Variants in GABPA observed in about 807,000 individuals in gnomAD.
GABPA encodes GA-binding protein alpha chain.
GABPA carries 4 observed loss-of-function variants against 59.4 expected under a neutral mutation model. That is an observed-to-expected ratio of 0.07 (90% CI 0.03 to 0.15). The LOEUF is 0.15. Among genes scored for constraint, GABPA ranks in the 10% least tolerant of loss-of-function variants. The pLI, the probability that GABPA is intolerant of heterozygous loss-of-function variation, is 1.00. For missense variants in GABPA, 251 were observed against 543.8 expected (o/e 0.46, Z 5.36); for synonymous variants, 164 against 183.1 (o/e 0.90, Z 0.84).
intron 9 of GABPA, 57 bp from the exon 10 acceptor site, chr21:25,768,947 T>C: frequency 2.7e-6 from 3 of 1,093,458 alleles, no homozygotes; most frequent in Non-Finnish European, 4.0e-6. Flanking sequence ...GTCTGTAAAT[T>C]ATTGTAAGAA....
At position 25,757,990 on chromosome 21, in the gene GABPA, G is replaced by A. The variant is rs1223237950; in HGVS notation, c.554-20G>A. ...GTATCTAAAATGGAACTAGGCTAAA[G>A]TGAATATTTTTCTTTCTAGATCCCA... On this transcript the variant is annotated intron_variant, in intron 5 of 9. Transcript: ENST00000400075. The A allele has an allele frequency of 6.6e-7, 1 of 1,506,926 alleles. No individual in the cohort carries two copies. Among genetic ancestry groups the A allele is most frequent in the Non-Finnish European group, 8.9e-7 (1 of 1,120,676 alleles). 93.3% of individuals were successfully genotyped at this position (1,506,926 alleles called of 1,614,324 possible).
chr21:25,767,492 A>T (rs1187016289), intron 9 of GABPA, among the ~76,000 whole-genome samples: 3 of 151,974 alleles, frequency 2.0e-5, no homozygotes, highest in African/African-American at 7.2e-5. Context: ...CATCTACTAG[A>T]TCAAAAGAAG....
chr21:25,745,888 T>A (rs2035350356), intron 3 of GABPA, among the ~76,000 whole-genome samples: 1 of 152,252 alleles, frequency 6.6e-6, no homozygotes, highest in Non-Finnish European at 1.5e-5. Flanking sequence ...AGTCATATTT[T>A]ACAGTATGTT....
rs1254600978 is a variant in GABPA, at chr21:25,751,311, A to AT, written c.308-677dup. Among the ~76,000 whole-genome samples the AT allele has an allele frequency of 1.5e-4, 23 of 151,516 alleles. No individual in the cohort carries two copies. The East Asian group carries it at 4.3e-3, about 28-fold the overall frequency. Reference sequence around the variant, plus strand: ...TTAAACTATCCAGAATTAAATCAAAATCAGAATTTTGATTTAATTCTGGAT... The same window carrying AT: ...TTAAACTATCCAGAATTAAATCAAAATTCAGAATTTTGATTTAATTCTGGAT... On this transcript the variant is annotated intron_variant, in intron 4 of 9. Transcript: ENST00000400075.
rs539806361 is a variant in GABPA at position 25,752,108 on chromosome 21, G to A, written c.427G>A (p.Val143Met). ...SEAHLVEEAQ[V>M]ITLDGTKHIT... ...AGCACATCTTGTTGAAGAAGCTCAAGTGATAACTCTTGATGGCACAAAACA... is the reference window on the plus strand; with the variant it reads ...AGCACATCTTGTTGAAGAAGCTCAAATGATAACTCTTGATGGCACAAAACA... The change falls in exon 5 of 10, where the codon GTG becomes ATG. Residue 143 changes from valine (V) to methionine (M), a missense_variant. Transcript: ENST00000400075. 1.4e-5 allele frequency: 22 copies of A among 1,611,080 alleles called. No individual in the cohort carries two copies. Among genetic ancestry groups the A allele is most frequent in the East Asian group, 2.2e-5 (1 of 44,830 alleles).
chr21:25,744,042 CAAAAAAA>C (rs1182340915), intron 2 of GABPA, among the ~76,000 whole-genome samples: 1 of 71,884 alleles, frequency 1.4e-5, no homozygotes, highest in Non-Finnish European at 2.7e-5. Context: ...GACTCTGTCT[CAAAAAAA>C]AAAAAAAAAA....
chr21:25,760,095 A>G (rs1470204108), intron 6 of GABPA, among the ~76,000 whole-genome samples: 3 of 152,184 alleles, frequency 2.0e-5, no homozygotes, highest in African/African-American at 7.2e-5. Flanking sequence ...TTAAAGCAAC[A>G]AAGTCCCACA....
At chr21:25,751,365 A>C (rs2035508671) in intron 4 of GABPA, among the ~76,000 whole-genome samples, 1 of 139,138 alleles carries the variant, frequency 7.2e-6, no homozygotes, top group Non-Finnish European at 1.5e-5. Flanking sequence ...TTAATAAATT[A>C]TTTATTTTTA....
chr21:25,768,943 AAATT>A (rs1317124575), intron 9 of GABPA, 57 bp from the exon 10 acceptor site: 1 of 1,078,352 alleles, frequency 9.3e-7, no homozygotes, highest in Non-Finnish European at 1.4e-6. Context: ...AATAGTCTGT[AAATT>A]ATTGTAAGAA....
chr21:25,752,392 C>T, intron 5 of GABPA, 158 bp downstream of exon 5: 3 of 813,680 alleles, frequency 3.7e-6, no homozygotes, highest in Non-Finnish European at 5.7e-6. Flanking sequence ...CATTTAAGCT[C>T]ATGTGGTGGA....
rs528384817 is a variant in GABPA at position 25,764,564 on chromosome 21, A to T, written c.944-31A>T. ...GCCTTGGGCTAATCTATAACACTATAGCTAATGCTTTGTTCCTCTTACCAA... is the reference window on the plus strand; with the variant it reads ...GCCTTGGGCTAATCTATAACACTATTGCTAATGCTTTGTTCCTCTTACCAA... On this transcript the variant is annotated intron_variant, in intron 8 of 9. Coordinates refer to ENST00000400075, the MANE Select transcript of GABPA (RefSeq NM_002040.4). 4 of 1,585,084 alleles carry T rather than the reference A, an allele frequency of 2.5e-6. No homozygotes were observed. The African/African-American group carries it at 4.0e-5, about 16-fold the overall frequency.
At chr21:25,753,165 C>T (rs908037878) in intron 5 of GABPA, among the ~76,000 whole-genome samples, 3 of 152,080 alleles carry the variant, frequency 2.0e-5, no homozygotes, top group Non-Finnish European at 2.9e-5. Flanking sequence ...GAAGAGCATG[C>T]TTTCAAAAGC....
chr21:25,763,182 C>A, intron 7 of GABPA: 1 of 517,724 alleles, frequency 1.9e-6, no homozygotes, highest in Non-Finnish European at 3.8e-6. Context: ...GTTTGGGTAC[C>A]ACCACAGTTG....
intron 9 of GABPA, among the ~76,000 whole-genome samples, 199 bp from the exon 10 acceptor site, chr21:25,768,805 T>C (rs1431840182): frequency 6.6e-6 from 1 of 152,170 alleles, no homozygotes; most frequent in Non-Finnish European, 1.5e-5. Context: ...TTTGGAGTAG[T>C]GAGCATTGAA....
chr21:25,751,903 C>T, intron 4 of GABPA, 86 bp from the exon 5 acceptor site: 2 of 1,349,676 alleles, frequency 1.5e-6, no homozygotes, highest in South Asian at 1.3e-5. Flanking sequence ...TTTTCTCTAC[C>T]ATTTGGGAAC....
chr21:25,741,793 G>A (rs551525822), intron 2 of GABPA, 118 bp downstream of exon 2: 44 of 599,370 alleles, frequency 7.3e-5, no homozygotes, highest in African/African-American at 6.7e-4. Context: ...GTATTTTAGG[G>A]AATAATGTAT....
chr21:25,749,516 A>G (rs954060671), intron 4 of GABPA, among the ~76,000 whole-genome samples: 1 of 152,114 alleles, frequency 6.6e-6, no homozygotes, highest in Non-Finnish European at 1.5e-5. Flanking sequence ...TGTTGCCTTT[A>G]CAGTGATCCA....
intron 5 of GABPA, among the ~76,000 whole-genome samples, chr21:25,754,716 C>G (rs915962797): frequency 6.6e-6 from 1 of 151,950 alleles, no homozygotes; most frequent in Non-Finnish European, 1.5e-5. Context: ...TAACCTTTCC[C>G]AAGTATCTAA....
In GABPA at chr21:25,771,525, T is replaced by C. The variant is rs2036009831; in HGVS notation, c.*2293T>C. The C allele has an allele frequency of 6.6e-6, 1 of 151,936 alleles. No homozygotes were observed. The highest frequency in any genetic ancestry group is 1.5e-5 in the Non-Finnish European group (1 of 67,840). 9.4% of individuals were successfully genotyped at this position (151,936 alleles called of 1,614,324 possible). On this transcript the variant is annotated 3_prime_UTR_variant, in exon 10 of 10. Coordinates refer to ENST00000400075, the MANE Select transcript of GABPA (RefSeq NM_002040.4). ...CCAGTTGATTCAAGAAACTCATTAC[T>C]TTGCCTCAAATTATATGTAAAATAT...
Sources: allele counts gnomAD v4.1 joint callset (sites outside exome capture counted in the v4.1 genomes callset), GRCh38; gene constraint gnomAD v4.1.1; transcripts MANE v1.5; gene names NCBI Gene and HGNC (gene_info 2026-07-23, HGNC 2026-07-21).